The following MYBPC1 variants were observed in gnomAD, a reference collection of about 807,000 sequenced individuals.
MYBPC1 encodes the protein myosin-binding protein C, slow-type.
Under a neutral mutation model 147.1 loss-of-function variants are expected in MYBPC1, and 52 were observed. The ratio of observed to expected loss-of-function variants is 0.35; its 90% CI spans 0.28 to 0.45. The LOEUF (loss-of-function observed/expected upper bound fraction) is 0.45. Among genes scored for constraint, MYBPC1 ranks in the 20% least tolerant of loss-of-function variants. The pLI, the probability that MYBPC1 is intolerant of heterozygous loss-of-function variation, is 1.00. For missense variants in MYBPC1, 1,228 were observed against 1,440.3 expected, an observed-to-expected ratio of 0.85 and a Z score of 2.39; for synonymous variants, 477 against 475.9, an observed-to-expected ratio of 1.00 and a Z score of -0.03.
chr12:101,691,097 G>A, the MYBPC1 span, among the ~76,000 whole-genome samples: 5 of 151,844 alleles, frequency 3.3e-5, no homozygotes, highest in Admixed American at 2.0e-4. Flanking sequence ...TTTTAGACAG[G>A]GTCTCACTCT....
chr12:101,663,346 C>A (rs1387436906), intron 21 of MYBPC1, 80 bp from the exon 22 acceptor site: 9 of 1,223,984 alleles, frequency 7.4e-6, no homozygotes, highest in African/African-American at 1.5e-5. Context: ...TTATTTGTAT[C>A]CCCATTGGTT....
rs11110917 is a variant in MYBPC1, at chr12:101,649,673, A to G, written c.1363+247A>G. Among the ~76,000 whole-genome samples the G allele has an allele frequency of 0.22, 33,644 of 152,132 alleles. 4,007 individuals carry two copies. Among genetic ancestry groups the G allele is most frequent in the Middle Eastern group, 0.34 (101 of 294 alleles). ...ATAAAAATCACCTGCCAGAAGAGTT[A>G]TAATTCCAAGACCGTAAAAATAGGG... On this transcript the variant is annotated intron_variant, in intron 15 of 31. Coordinates refer to ENST00000361466, the MANE Select transcript of MYBPC1 (RefSeq NM_002465.4).
downstream of MYBPC1, among the ~76,000 whole-genome samples, chr12:101,686,433 A>G (rs894893333): frequency 1.3e-5 from 2 of 152,238 alleles, no homozygotes; most frequent in Non-Finnish European, 2.9e-5. Context: ...GTTACAGACA[A>G]CAGACCTATT....
chr12:101,636,622 T>G (rs1346898995), intron 9 of MYBPC1, 50 bp from the exon 10 acceptor site: 2 of 1,499,572 alleles, frequency 1.3e-6, no homozygotes, highest in Non-Finnish European at 9.3e-7. Flanking sequence ...GAAATTGTTG[T>G]GTATGTCTCT....
At chr12:101,666,955 G>A (rs1431107237) in intron 22 of MYBPC1, among the ~76,000 whole-genome samples, 1 of 149,934 alleles carries the variant, frequency 6.7e-6, no homozygotes, top group African/African-American at 2.5e-5. Flanking sequence ...CCTTAGAGAT[G>A]GGGGAGAGGG....
Position 101,652,590 on chromosome 12 carries a change from C to T in MYBPC1, c.1527-88C>T, listed in dbSNP as rs1346056765. ...TCTTTCCTGCACTAAAGAAGTTAAT[C>T]AGATAAAGGTCAAGTGTCTTTTCAG... On this transcript the variant is annotated intron_variant, in intron 16 of 31. Transcript: ENST00000361466. 4 of 890,214 alleles carry T rather than the reference C, an allele frequency of 4.5e-6. No individual in the cohort carries two copies. In the African/African-American group the frequency reaches 6.6e-5, roughly 15 times the overall value. The allele number at this position is 890,214 out of a possible 1,614,324, so 55.1% of individuals were successfully genotyped here.
intron 1 of MYBPC1, among the ~76,000 whole-genome samples, 169 bp from the exon 2 acceptor site, chr12:101,614,325 TGA>T (rs1024538361): frequency 6.3e-4 from 88 of 139,818 alleles, no homozygotes; most frequent in Admixed American, 1.4e-3. Flanking sequence ...TGTGTGTGTG[TGA>T]GAGAGAGAGA....
the MYBPC1 span, among the ~76,000 whole-genome samples, chr12:101,695,613 G>C: frequency 0.51 from 77,230 of 151,404 alleles, 20,630 homozygotes; most frequent in Admixed American, 0.6. Flanking sequence ...TGTTTTTCCT[G>C]TCCTCTTACT....
At chr12:101,624,737 G>GACT (rs145821943) in intron 3 of MYBPC1, among the ~76,000 whole-genome samples, 3 of 91,008 alleles carry the variant, frequency 3.3e-5, no homozygotes, top group Admixed American at 1.1e-4. Context: ...ATGTTGCCCA[G>GACT]GCAAATTCAC....
intron 16 of MYBPC1, 150 bp from the exon 17 acceptor site, chr12:101,652,528 C>A: frequency 3.7e-6 from 2 of 546,150 alleles, no homozygotes; most frequent in East Asian, 5.5e-5. Flanking sequence ...TTCTCATCCT[C>A]TCTCTCTCTC....
At chr12:101,692,774 C>G in the MYBPC1 span, among the ~76,000 whole-genome samples, 1 of 152,008 alleles carries the variant, frequency 6.6e-6, no homozygotes, top group Non-Finnish European at 1.5e-5. Flanking sequence ...CTCTAATATA[C>G]TTTTTTGACA....
chr12:101,655,244 AAATT>A (rs1895333851), intron 18 of MYBPC1, among the ~76,000 whole-genome samples: 2 of 152,238 alleles, frequency 1.3e-5, no homozygotes, highest in South Asian at 2.1e-4. Flanking sequence ...AATAAAATAA[AAATT>A]AAGAGAAAGT....
chr12:101,664,590 A>G (rs1257271802), intron 22 of MYBPC1: 3 of 152,246 alleles, frequency 2.0e-5, no homozygotes, highest in African/African-American at 7.2e-5. Flanking sequence ...GAAACTTCCT[A>G]TGAAGAGAAA....
At chr12:101,644,587 C>CT in intron 11 of MYBPC1, 77 bp from the exon 12 acceptor site, 1 of 1,348,664 alleles carries the variant, frequency 7.4e-7, no homozygotes, top group Non-Finnish European at 1.1e-6. Flanking sequence ...TTAGGTTCTC[C>CT]TACATGTATT....
chr12:101,629,624 GC>G, intron 6 of MYBPC1, 80 bp downstream of exon 6: 1 of 920,756 alleles, frequency 1.1e-6, no homozygotes, highest in Non-Finnish European at 1.6e-6. Flanking sequence ...TGTAATCCCA[GC>G]ACTCTGGGAG....
intron 8 of MYBPC1, among the ~76,000 whole-genome samples, chr12:101,633,727 A>G (rs1890411256): frequency 6.6e-6 from 1 of 151,530 alleles, no homozygotes; most frequent in Non-Finnish European, 1.5e-5. Flanking sequence ...TTAAAGCTAT[A>G]TAGACAGCCC....
chr12:101,652,446 T>A (rs1894671308), intron 16 of MYBPC1, among the ~76,000 whole-genome samples: 1 of 152,256 alleles, frequency 6.6e-6, no homozygotes, highest in East Asian at 1.9e-4. Flanking sequence ...AAGCAGATTC[T>A]ATTTGTGGAG....
chr12:101,636,740 G>A lies in MYBPC1; in HGVS notation c.665+12G>A, dbSNP rs1891059079. On this transcript the variant is annotated intron_variant, in intron 10 of 31. Coordinates refer to ENST00000361466, the MANE Select transcript of MYBPC1 (RefSeq NM_002465.4). ...CTCCTGAAACGTAGGTGAGAACAAA[G>A]TGATGGAGTGAGACATTGTGGCCTG... 1 of 1,611,216 alleles carries A rather than the reference G, an allele frequency of 6.2e-7. No individual in the cohort carries two copies. Among genetic ancestry groups the A allele is most frequent in the African/African-American group, 1.3e-5 (1 of 74,864 alleles).
At chr12:101,668,455 T>C (rs1242363190) in intron 23 of MYBPC1, among the ~76,000 whole-genome samples, 1 of 152,154 alleles carries the variant, frequency 6.6e-6, no homozygotes, top group East Asian at 1.9e-4. Flanking sequence ...CAGTTTTGCC[T>C]TAGAGTCTCT....
Sources: allele counts gnomAD v4.1 joint callset (sites outside exome capture counted in the v4.1 genomes callset), GRCh38; gene constraint gnomAD v4.1.1; transcripts MANE v1.5; gene names NCBI Gene and HGNC (gene_info 2026-07-23, HGNC 2026-07-21).